The following MSR1 variants were observed in gnomAD, a reference collection of about 807,000 sequenced individuals.
MSR1 encodes macrophage scavenger receptor 1.
In MSR1, 53 loss-of-function variants were observed where a neutral mutation model predicts 47.2. The observed-to-expected ratio is 1.12, with a 90% CI of 0.90 to 1.41. MSR1 has a LOEUF of 1.41. Among genes scored for constraint, MSR1 ranks in the 40% most tolerant of loss-of-function variants. The pLI is 0.00. For missense variants in MSR1, 786 were observed against 546.9 expected (o/e 1.44, Z -4.36); for synonymous variants, 239 against 185.6 (o/e 1.29, Z -2.34).
At chr8:16,120,127 C>A (rs953677586) in intron 9 of MSR1, among the ~76,000 whole-genome samples, 6 of 151,772 alleles carry the variant, frequency 4.0e-5, no homozygotes, top group African/African-American at 1.5e-4. Context: ...CCTGTAATCC[C>A]AGCACTTTAG....
At chr8:16,161,140 T>TA (rs1801151639) in intron 5 of MSR1, among the ~76,000 whole-genome samples, 1 of 151,138 alleles carries the variant, frequency 6.6e-6, no homozygotes, top group African/African-American at 2.4e-5. Flanking sequence ...TTGCTTGAAT[T>TA]AGAGTAGTAG....
chr8:16,129,824 AG>A (rs1237370209), intron 8 of MSR1, among the ~76,000 whole-genome samples: 8 of 152,140 alleles, frequency 5.3e-5, no homozygotes, highest in Non-Finnish European at 1.2e-4. Context: ...GGCAAATAAT[AG>A]GCTGTGAGCC....
chr8:16,184,383 G>A (rs529793650), intron 1 of MSR1, among the ~76,000 whole-genome samples: 6 of 152,068 alleles, frequency 3.9e-5, no homozygotes, highest in South Asian at 2.1e-4. Context: ...GAGTACCTTC[G>A]AGAGTGGGAA....
intron 8 of MSR1, among the ~76,000 whole-genome samples, chr8:16,131,930 G>A (rs952656228): frequency 6.7e-6 from 1 of 150,088 alleles, no homozygotes; most frequent in African/African-American, 2.4e-5. Context: ...CTCCAGCTTT[G>A]TTCTTTTTCT....
At position 16,150,162 on chromosome 8, in the gene MSR1, A is replaced by ATATATG. The variant is rs1563153585; in HGVS notation, c.979+68_979+69insCATATA. On this transcript the variant is annotated intron_variant, in intron 7 of 9. Transcript: ENST00000262101. The stretch of plus-strand genomic sequence containing the variant: ...TGTGTATATATATATATATATATAT[A>ATATATG]TATATATATAAAATTATCTGGTGTT... The ATATATG allele has an allele frequency of 7.8e-4, 218 of 277,814 alleles. 1 individual carries two copies. The highest frequency in any genetic ancestry group is 5.0e-3 in the African/African-American group (207 of 41,768). 17.2% of individuals were successfully genotyped at this position (277,814 alleles called of 1,614,324 possible).
Position 16,109,274 on chromosome 8 carries a change from G to A in MSR1, c.*811C>T, listed in dbSNP as rs1279173750. The A allele has an allele frequency of 7.3e-6, 1 of 136,608 alleles. No individual in the cohort carries two copies. Among genetic ancestry groups the A allele is most frequent in the Non-Finnish European group, 1.5e-5 (1 of 65,814 alleles). The allele number at this position is 136,608 out of a possible 1,614,324, so 8.5% of individuals were successfully genotyped here. ...CTTCTGCACTGAAGATGTTTGCATT[G>A]TTTGTTAAAATGGATTAATCAGATT... On this transcript the variant is annotated 3_prime_UTR_variant, in exon 10 of 10. Coordinates refer to ENST00000262101, the MANE Select transcript of MSR1 (RefSeq NM_138715.3).
intron 8 of MSR1, among the ~76,000 whole-genome samples, chr8:16,133,839 G>T (rs879601748): frequency 6.6e-6 from 1 of 152,110 alleles, no homozygotes; most frequent in Non-Finnish European, 1.5e-5. Flanking sequence ...AGCTGATCTG[G>T]ACACAATAGT....
chr8:16,120,270 G>C, intron 9 of MSR1, 148 bp downstream of exon 9: 2 of 802,476 alleles, frequency 2.5e-6, no homozygotes, highest in Non-Finnish European at 4.2e-6. Flanking sequence ...CCAGCTACTA[G>C]GCAGGCTAAG....
chr8:16,136,331 A>G (rs555894678), intron 8 of MSR1, among the ~76,000 whole-genome samples: 2 of 152,304 alleles, frequency 1.3e-5, no homozygotes, highest in East Asian at 3.9e-4. Flanking sequence ...AAGACCCTCC[A>G]CCAGAAAAAG....
At position 16,120,435 on chromosome 8, in the gene MSR1, G is replaced by T. The variant is rs1021942681; in HGVS notation, c.1205C>A (p.Ala402Glu). 6.2e-7 allele frequency: 1 copy of T among 1,613,804 alleles called. No individual in the cohort carries two copies. Among genetic ancestry groups the T allele is most frequent in the Non-Finnish European group, 8.5e-7 (1 of 1,179,890 alleles). Residue 402 changes from alanine (A) to glutamate (E), a missense_variant, in exon 9 of 10, where the codon GCA becomes GAA. Ala to Glu is a moderately radical substitution (Grantham distance 107). Transcript: ENST00000262101. ...TAAATTACCTTGTCCAAAGTGAGCTGCCTTGTGCACGGCTTGAACACCTGG... is the reference window on the plus strand; with the variant it reads ...TAAATTACCTTGTCCAAAGTGAGCTTCCTTGTGCACGGCTTGAACACCTGG... Reference protein sequence around the residue: ...GYPGVQAVHKAAHFGQGTGPI... With the variant: ...GYPGVQAVHKEAHFGQGTGPI...
intron 1 of MSR1, among the ~76,000 whole-genome samples, chr8:16,187,990 A>G (rs1373491648): frequency 6.6e-6 from 1 of 152,176 alleles, no homozygotes; most frequent in African/African-American, 2.4e-5. Flanking sequence ...AACAACTCAC[A>G]CTGTTCAAGT....
rs545495516 is a variant in MSR1 at position 16,133,640 on chromosome 8, G to T, written c.1033+9918C>A. ...AACTGTTGTGAGAACCTTTGTTCTT[G>T]ACTGGTCTGCTTTTGCTTTGACTGT... On this transcript the variant is annotated intron_variant, in intron 8 of 9. Transcript: ENST00000262101. Among the ~76,000 whole-genome samples the T allele has an allele frequency of 8.5e-5, 13 of 152,282 alleles. No homozygotes were observed. The East Asian group carries it at 2.5e-3, about 29-fold the overall frequency.
At chr8:16,144,657 G>A (rs1290879955) in intron 7 of MSR1, among the ~76,000 whole-genome samples, 1 of 151,956 alleles carries the variant, frequency 6.6e-6, no homozygotes, top group African/African-American at 2.4e-5. Context: ...CTGAGCTAAA[G>A]TTTATTCTTC....
At chr8:16,188,967 C>CATATATAT (rs200739372) in intron 1 of MSR1, among the ~76,000 whole-genome samples, 111 of 122,254 alleles carry the variant, frequency 9.1e-4, no homozygotes, top group African/African-American at 1.1e-3. Context: ...AACACACATA[C>CATATATAT]ATATATATAT....
chr8:16,122,353 A>G (rs1800024287), intron 8 of MSR1, among the ~76,000 whole-genome samples: 2 of 152,180 alleles, frequency 1.3e-5, no homozygotes, highest in South Asian at 4.1e-4. Flanking sequence ...TGTTTTATTA[A>G]CTAGTGTGAT....
intron 3 of MSR1, among the ~76,000 whole-genome samples, chr8:16,169,834 A>C (rs376868566): frequency 6.6e-6 from 1 of 152,030 alleles, no homozygotes; most frequent in Non-Finnish European, 1.5e-5. Context: ...CTCTGTTTTC[A>C]GTAATATAGC....
chr8:16,177,764 G>T, intron 2 of MSR1, 122 bp downstream of exon 2: 2 of 755,362 alleles, frequency 2.6e-6, no homozygotes, highest in Non-Finnish European at 4.6e-6. Context: ...TACCCCTGTT[G>T]GTCAAATAAG....
At chr8:16,167,215 A>G (rs1801337821) in intron 4 of MSR1, among the ~76,000 whole-genome samples, 1 of 152,140 alleles carries the variant, frequency 6.6e-6, no homozygotes, top group East Asian at 1.9e-4. Flanking sequence ...ATAGTTTCCA[A>G]TTTGCTTTCA....
Position 16,168,626 on chromosome 8 carries a change from G to C in MSR1, c.462C>G (p.Asp154Glu). The C allele has an allele frequency of 6.2e-7, 1 of 1,614,126 alleles. No homozygotes were observed. The highest frequency in any genetic ancestry group is 8.5e-7 in the Non-Finnish European group (1 of 1,179,994). The change falls in exon 4 of 10, where the codon GAC becomes GAG. Residue 154 changes from aspartate to glutamate, a missense_variant. By Grantham distance (45) the Asp-to-Glu change is conservative. Transcript: ENST00000262101. ...FSMTTDQRFNDILLQLSTLFS... is the reference protein window; with the variant it reads ...FSMTTDQRFNEILLQLSTLFS... ...ACAAGGTACTTAGCTGCAGAAGAATGTCATTAAATCTTTGATCAGTTGTCA... is the reference window on the plus strand; with the variant it reads ...ACAAGGTACTTAGCTGCAGAAGAATCTCATTAAATCTTTGATCAGTTGTCA...
Sources: allele counts gnomAD v4.1 joint callset (sites outside exome capture counted in the v4.1 genomes callset), GRCh38; gene constraint gnomAD v4.1.1; transcripts MANE v1.5; gene names NCBI Gene and HGNC (gene_info 2026-07-23, HGNC 2026-07-21).